The following SLC5A4 variants were observed in gnomAD, a reference collection of about 807,000 sequenced individuals.
SLC5A4 encodes probable glucose sensor protein SLC5A4.
A neutral mutation model predicts 70.3 loss-of-function variants in SLC5A4; 55 were observed. The observed-to-expected ratio is 0.78, with a 90% CI of 0.63 to 0.98. The LOEUF (loss-of-function observed/expected upper bound fraction) is 0.98, where lower values mean the gene tolerates loss of function less well. Among genes scored for constraint, SLC5A4 ranks in the 50% least tolerant of loss-of-function variants. SLC5A4 has a pLI of 0.00. For synonymous variants in SLC5A4, 268 were observed against 305.7 expected (o/e 0.88, Z 1.29); for missense variants, 735 against 839.2 (o/e 0.88, Z 1.53).
intron 14 of SLC5A4, among the ~76,000 whole-genome samples, chr22:32,219,257 G>A (rs1382762995): frequency 6.6e-6 from 1 of 152,188 alleles, no homozygotes; most frequent in African/African-American, 2.4e-5. Context: ...CCCCTATGGA[G>A]GGGAATTAGT....
intron 5 of SLC5A4, among the ~76,000 whole-genome samples, chr22:32,239,297 T>C (rs893967104): frequency 6.6e-6 from 1 of 151,436 alleles, no homozygotes; most frequent in Non-Finnish European, 1.5e-5. Flanking sequence ...TGTAGTCGCA[T>C]AGAAGTTAGT....
chr22:32,248,922 T>G, intron 3 of SLC5A4, 120 bp from the exon 4 acceptor site: 1 of 677,178 alleles, frequency 1.5e-6, no homozygotes. Context: ...TCCTGTCCCA[T>G]TCAAACAACT....
At chr22:32,310,716 C>T in the SLC5A4 span, among the ~76,000 whole-genome samples, 1 of 152,254 alleles carries the variant, frequency 6.6e-6, no homozygotes, top group African/African-American at 2.4e-5. Flanking sequence ...TGACCCTGGG[C>T]AAGCCACTTG....
chr22:32,240,947 A>T (rs2145682186), intron 5 of SLC5A4, among the ~76,000 whole-genome samples: 1 of 152,380 alleles, frequency 6.6e-6, no homozygotes, highest in Middle Eastern at 3.4e-3. Context: ...AAGATGGTGA[A>T]TATGGCAGCA....
chr22:32,319,921 T>C, the SLC5A4 span, among the ~76,000 whole-genome samples: 3 of 151,904 alleles, frequency 2.0e-5, no homozygotes, highest in African/African-American at 7.3e-5. Flanking sequence ...AGCACTCAAT[T>C]AAGATGAACT....
chr22:32,354,367 T>G, the SLC5A4 span, among the ~76,000 whole-genome samples: 2 of 150,148 alleles, frequency 1.3e-5, no homozygotes, highest in East Asian at 4.0e-4. Context: ...CAGCCCCAGA[T>G]AGTGCTGCCA....
intron 13 of SLC5A4, among the ~76,000 whole-genome samples, chr22:32,223,990 G>A (rs1225652766): frequency 2.0e-5 from 3 of 151,710 alleles, no homozygotes; most frequent in African/African-American, 7.3e-5. Flanking sequence ...GCCCGATCTT[G>A]GCTCACTGCA....
the SLC5A4 span, among the ~76,000 whole-genome samples, chr22:32,294,685 TTAAG>T: frequency 6.6e-6 from 1 of 150,820 alleles, no homozygotes; most frequent in Non-Finnish European, 1.5e-5. Flanking sequence ...TTATTATACT[TTAAG>T]TTTTAGGGTA....
At chr22:32,325,142 G>A in the SLC5A4 span, among the ~76,000 whole-genome samples, 2 of 152,356 alleles carry the variant, frequency 1.3e-5, no homozygotes, top group South Asian at 4.1e-4. Context: ...CTCACTCAGT[G>A]TCAACTCTTG....
chr22:32,353,018 G>C, the SLC5A4 span, among the ~76,000 whole-genome samples: 3 of 152,242 alleles, frequency 2.0e-5, no homozygotes, highest in East Asian at 5.8e-4. Context: ...AGAAAGCCTA[G>C]AACAGGATGC....
chr22:32,286,742 T>C, the SLC5A4 span, among the ~76,000 whole-genome samples: 8 of 152,224 alleles, frequency 5.3e-5, no homozygotes, highest in South Asian at 2.1e-4. Context: ...AAGAAGGCTA[T>C]TGTAAGCATA....
At chr22:32,347,073 AC>A in the SLC5A4 span, among the ~76,000 whole-genome samples, 1 of 152,380 alleles carries the variant, frequency 6.6e-6, no homozygotes, top group South Asian at 2.1e-4. Flanking sequence ...TCAAAAGAAG[AC>A]GTTTATGCAG....
rs1569366604 is a variant in SLC5A4, at chr22:32,225,674, CA to C, written c.1429del (p.Cys477ValfsTer13). The stretch of plus-strand genomic sequence containing the variant: ...ACTCACCTGTTCATTGACTCTTTTA[CA>C]GAAGATGGCAAGCACAAAGACAGCT... ...IAAVFVLAIF[C>X]KRVNEQGAFW... On this transcript the variant is annotated frameshift_variant, in exon 12 of 15. Coordinates refer to ENST00000266086, the MANE Select transcript of SLC5A4 (RefSeq NM_014227.3). LOFTEE classifies it high-confidence loss of function. 6.2e-7 allele frequency: 1 copy of C among 1,611,088 alleles called. No homozygotes were observed. Among genetic ancestry groups the C allele is most frequent in the South Asian group, 1.1e-5 (1 of 90,298 alleles).
In SLC5A4 at chr22:32,235,025, C is replaced by T. The variant is rs746307213; in HGVS notation, c.733G>A (p.Glu245Lys). The change falls in exon 8 of 15, where the codon GAG (glutamate) becomes AAG (lysine). Residue 245 changes from glutamate to lysine, a missense_variant. Glu to Lys is a moderately conservative substitution (Grantham distance 56). Transcript: ENST00000266086. ...GCACTGATTGTCAAGTTGTCCCCCT[C>T]GACTACGGATGGGGTGGCATTCACG... is the stretch of plus-strand genomic sequence containing the variant. The part of the protein sequence containing the change: ...KYVNATPSVV[E>K]GDNLTISASC... The T allele has an allele frequency of 1.2e-5, 19 of 1,613,692 alleles. 1 individual carries two copies. Among genetic ancestry groups the T allele is most frequent in the South Asian group, 4.4e-5 (4 of 91,056 alleles).
intron 8 of SLC5A4, among the ~76,000 whole-genome samples, 197 bp from the exon 9 acceptor site, chr22:32,233,231 C>A (rs547374884): frequency 3.9e-5 from 6 of 152,166 alleles, no homozygotes; most frequent in Admixed American, 3.9e-4. Flanking sequence ...TGTCCATCAG[C>A]GGATGAATGG....
chr22:32,271,447 G>A, the SLC5A4 span: 8 of 761,202 alleles, frequency 1.1e-5, no homozygotes, highest in East Asian at 5.7e-5. Context: ...CACGACTCTC[G>A]GCTCAGCCAG....
the SLC5A4 span, among the ~76,000 whole-genome samples, chr22:32,263,292 C>T: frequency 3.9e-5 from 6 of 152,172 alleles, no homozygotes; most frequent in Admixed American, 3.9e-4. Context: ...AGCCACTGAG[C>T]CTTGCCTCAA....
At chr22:32,282,140 G>C in the SLC5A4 span, among the ~76,000 whole-genome samples, 1 of 152,186 alleles carries the variant, frequency 6.6e-6, no homozygotes, top group African/African-American at 2.4e-5. Context: ...ACGGCGCTCG[G>C]CCACTTCCGT....
chr22:32,297,041 CT>C, the SLC5A4 span, among the ~76,000 whole-genome samples: 1 of 149,492 alleles, frequency 6.7e-6, no homozygotes. Flanking sequence ...TGATGTGCTG[CT>C]GGATTCGTTT....
Sources: gnomAD v4.1 joint callset for allele counts (sites outside exome capture counted in the v4.1 genomes callset) on GRCh38, gnomAD v4.1.1 for gene constraint, MANE v1.5 for transcripts, NCBI Gene and HGNC (gene_info 2026-07-23, HGNC 2026-07-21) for gene names.